The following TUBGCP5 variants were observed in gnomAD, a reference collection of about 807,000 sequenced individuals.
TUBGCP5 encodes gamma-tubulin complex component 5.
A neutral mutation model predicts 134.7 loss-of-function variants in TUBGCP5; 98 were observed. The observed-to-expected ratio is 0.73, with a 90% CI of 0.62 to 0.86. The LOEUF is 0.86. TUBGCP5 is among the 40% of genes least tolerant of loss of function. The probability of loss-of-function intolerance (pLI) is 0.00; values close to 1 mark genes in which losing one functional copy is unlikely to be tolerated. For synonymous variants in TUBGCP5, 456 were observed against 431.4 expected, an observed-to-expected ratio of 1.06 and a Z score of -0.71; for missense variants, 1,150 against 1,244.8, an observed-to-expected ratio of 0.92 and a Z score of 1.15.
chr15:23,008,659 T>C lies in TUBGCP5; in HGVS notation c.2327+40A>G, dbSNP rs572408836. 1.0e-5 allele frequency: 16 copies of C among 1,592,480 alleles called. No individual in the cohort carries two copies. The African/African-American group carries it at 1.6e-4, about 16-fold the overall frequency. The stretch of plus-strand genomic sequence containing the variant: ...AGAAGACTTACTGGCACATAGTTCA[T>C]GTTACACTAATTTAAATAAAGGTGG... On this transcript the variant is annotated intron_variant, in intron 16 of 22. Transcript: ENST00000615383.
chr15:23,012,480 C>T (rs774733535), intron 13 of TUBGCP5, among the ~76,000 whole-genome samples: 80 of 152,152 alleles, frequency 5.3e-4, no homozygotes, highest in Non-Finnish European at 1.0e-3. Flanking sequence ...GATCTCGGCT[C>T]ACTGCAATCT....
chr15:23,013,568 C>A lies in TUBGCP5; in HGVS notation c.1757-2237G>T, dbSNP rs1025170557. The stretch of plus-strand genomic sequence containing the variant: ...TGGAGGCTTCCAGCCTCTGCAGCTT[C>A]GCAGAACAGGCTGGTCTGGAGTCAA... On this transcript the variant is annotated intron_variant, in intron 13 of 22. Transcript: ENST00000615383. This position sits in a 1 kb window ranked among gnomAD's most constrained non-coding sequence, Gnocchi z 4.5. Among the ~76,000 whole-genome samples, 2 of 152,128 alleles carry A rather than the reference C, an allele frequency of 1.3e-5. No homozygotes were observed. The highest frequency in any genetic ancestry group is 4.8e-5 in the African/African-American group (2 of 41,436).
chr15:23,024,192 C>G lies in TUBGCP5; in HGVS notation c.923G>C (p.Ser308Thr). 6.2e-7 allele frequency: 1 copy of G among 1,609,774 alleles called. No homozygotes were observed. The highest frequency in any genetic ancestry group is 8.5e-7 in the Non-Finnish European group (1 of 1,177,038). ...NNIIVTHLTH[S>T]CLRSVLEQIA... Reference sequence around the variant, plus strand: ...TTGTTCCAGCACAGATCGTAAACAGCTCTACAACACAAGCAAACTGCAATT... The same window carrying G: ...TTGTTCCAGCACAGATCGTAAACAGGTCTACAACACAAGCAAACTGCAATT... Residue 308 changes from serine to threonine, a missense_variant and splice_region_variant, in exon 10 of 23, where the codon AGC becomes ACC. By Grantham distance (58) the Ser-to-Thr change is moderately conservative (BLOSUM62 1). Around this residue, in one of 2 missense-constraint regions of TUBGCP5, gnomAD observed 453 missense variants for 394.7 expected, o/e 1.15. Transcript: ENST00000615383.
intron 6 of TUBGCP5, among the ~76,000 whole-genome samples, chr15:23,028,400 A>C (rs2066103849): frequency 7.1e-6 from 1 of 140,492 alleles, no homozygotes; most frequent in African/African-American, 2.7e-5. Flanking sequence ...AAAAAAAAAA[A>C]GCAAATCCAA....
At chr15:22,993,924 G>A (rs548486835) in intron 23 of TUBGCP5, among the ~76,000 whole-genome samples, 6 of 151,576 alleles carry the variant, frequency 4.0e-5, no homozygotes, top group African/African-American at 7.3e-5. Flanking sequence ...CAAGCGATTC[G>A]CCTGCCTCGG....
chr15:23,004,778 C>G (rs1413921210), intron 19 of TUBGCP5, among the ~76,000 whole-genome samples: 3 of 152,140 alleles, frequency 2.0e-5, no homozygotes, highest in Admixed American at 6.5e-5. Context: ...TGGAGCCCCT[C>G]TGCCATAGCC....
At chr15:22,986,102 C>G (rs1330405921) in intron 23 of TUBGCP5, among the ~76,000 whole-genome samples, 1 of 147,738 alleles carries the variant, frequency 6.8e-6, no homozygotes, top group South Asian at 2.1e-4. Context: ...CCACTGCACT[C>G]CAGCCTGGGC....
chr15:23,010,323 C>T (rs1214303276), intron 14 of TUBGCP5, among the ~76,000 whole-genome samples, 190 bp from the exon 15 acceptor site: 2 of 152,180 alleles, frequency 1.3e-5, no homozygotes, highest in African/African-American at 4.8e-5. Flanking sequence ...GACTTAGGGT[C>T]AGGTACTAGA....
intron 13 of TUBGCP5, among the ~76,000 whole-genome samples, chr15:23,012,115 C>CTAA (rs2065069850): frequency 6.2e-5 from 5 of 80,818 alleles, no homozygotes; most frequent in African/African-American, 1.6e-4. Flanking sequence ...AAACCTGACT[C>CTAA]AAAAAAAAAA....
intron 23 of TUBGCP5, among the ~76,000 whole-genome samples, chr15:22,984,343 G>C (rs538143812): frequency 6.6e-6 from 1 of 152,012 alleles, no homozygotes; most frequent in Non-Finnish European, 1.5e-5. Flanking sequence ...TTTTTGGCTG[G>C]GCACAGTGGC....
Position 23,005,518 on chromosome 15 carries a change from C to G in TUBGCP5, c.2626G>C (p.Val876Leu). The G allele has an allele frequency of 1.2e-6, 2 of 1,614,194 alleles. No individual in the cohort carries two copies. The highest frequency in any genetic ancestry group is 1.7e-6 in the Non-Finnish European group (2 of 1,180,040). ...AACATGCGATGAATCTGCTGTCTTACTGGTTCTTTTTGTGGTCCGAACTGA... is the reference window on the plus strand; with the variant it reads ...AACATGCGATGAATCTGCTGTCTTAGTGGTTCTTTTTGTGGTCCGAACTGA... ...VAQFGPQKEP[V>L]RQQIHRMFLL... is the part of the protein sequence containing the mutation. Residue 876 changes from valine (V) to leucine (L), a missense_variant, in exon 19 of 23, where the codon GTA becomes CTA. By Grantham distance (32) the Val-to-Leu change is conservative (BLOSUM62 1). Around this residue, in one of 2 missense-constraint regions of TUBGCP5, gnomAD observed 697 missense variants for 850.1 expected, o/e 0.82. Coordinates refer to ENST00000615383, the MANE Select transcript of TUBGCP5 (RefSeq NM_052903.6).
In TUBGCP5 at chr15:22,999,683, G is replaced by A. The variant is rs982441288; in HGVS notation, c.*137C>T. 1.1e-6 allele frequency: 1 copy of A among 931,472 alleles called. No individual in the cohort carries two copies. The highest frequency in any genetic ancestry group is 1.6e-6 in the Non-Finnish European group (1 of 606,524). The allele number at this position is 931,472 out of a possible 1,614,324, so 57.7% of individuals were successfully genotyped here. On this transcript the variant is annotated 3_prime_UTR_variant, in exon 23 of 23. Transcript: ENST00000615383. The stretch of plus-strand genomic sequence containing the variant: ...CCCATCGTGCTGGGATTAGAGGCAT[G>A]AGCGACTGTGCCAGGCTGACTGTGG...
chr15:22,993,533 T>TG (rs2063929069), intron 23 of TUBGCP5, among the ~76,000 whole-genome samples: 1 of 84,408 alleles, frequency 1.2e-5, no homozygotes. Flanking sequence ...AAGTTTTTTT[T>TG]TTTTTTTTTT....
At chr15:23,027,049 A>C (rs1191653152) in intron 7 of TUBGCP5, 143 bp downstream of exon 7, 2 of 673,862 alleles carry the variant, frequency 3.0e-6, no homozygotes, top group Non-Finnish European at 2.5e-6. Context: ...AAGAGTGAGA[A>C]TCTGTCTCCA....
At chr15:22,984,089 C>T (rs1172896396) in intron 23 of TUBGCP5, among the ~76,000 whole-genome samples, 3 of 152,026 alleles carry the variant, frequency 2.0e-5, no homozygotes, top group African/African-American at 7.2e-5. Flanking sequence ...CACTGCACTC[C>T]AGGCTGGGCG....
downstream of TUBGCP5, among the ~76,000 whole-genome samples, chr15:22,995,724 T>C (rs1328299141): frequency 6.6e-6 from 1 of 152,110 alleles, no homozygotes; most frequent in Non-Finnish European, 1.5e-5. Context: ...TGCATGTACC[T>C]GTGGGACCAA....
intron 6 of TUBGCP5, among the ~76,000 whole-genome samples, chr15:23,030,602 A>T (rs1475644544): frequency 1.0e-5 from 1 of 99,340 alleles, no homozygotes; most frequent in Non-Finnish European, 2.2e-5. Flanking sequence ...TTCTCCAATT[A>T]AAAAAAAAAA....
rs10152489 is a variant in TUBGCP5 at position 23,035,061 on chromosome 15, C to T, written c.309+1836G>A. ...ATAATAAAGAAGCTCGGCATGGTGG[C>T]TCATGCCTGTAATCCCAGCACTTTG... is the stretch of plus-strand genomic sequence containing the variant. On this transcript the variant is annotated intron_variant, in intron 3 of 22. Transcript: ENST00000615383. Among the ~76,000 whole-genome samples the T allele has an allele frequency of 7.0e-3, 1,067 of 152,154 alleles. 5 individuals carry two copies. Among genetic ancestry groups the T allele is most frequent in the African/African-American group, 0.023 (942 of 41,496 alleles).
chr15:23,018,016 T>C lies in TUBGCP5; in HGVS notation c.1513A>G (p.Arg505Gly), dbSNP rs977679563. ...QRNKNVPVNH[R>G]DFWYATYTLY... ...GTGTAAGTTGCATACCAGAAGTCTC[T>C]GTGATTAACTGGAACATTTTTGTTT... The change falls in exon 13 of 23, where the codon AGA (arginine) becomes GGA (glycine). Residue 505 changes from arginine (R) to glycine (G), a missense_variant. Around this residue, in one of 2 missense-constraint regions of TUBGCP5, gnomAD observed 697 missense variants for 850.1 expected, o/e 0.82. Coordinates refer to ENST00000615383, the MANE Select transcript of TUBGCP5 (RefSeq NM_052903.6). The C allele has an allele frequency of 6.2e-7, 1 of 1,609,936 alleles. No individual in the cohort carries two copies. Among genetic ancestry groups the C allele is most frequent in the Admixed American group, 1.7e-5 (1 of 59,578 alleles).
Sources: allele counts gnomAD v4.1 joint callset (sites outside exome capture counted in the v4.1 genomes callset), GRCh38; gene constraint gnomAD v4.1.1; regional missense constraint gnomAD v4.1.1; non-coding constraint Gnocchi (gnomAD v3.1); transcripts MANE v1.5; gene names NCBI Gene and HGNC (gene_info 2026-07-23, HGNC 2026-07-21).